HEATR5B: variants seen among roughly 807,000 people sequenced by gnomAD.
The protein encoded by HEATR5B is HEAT repeat-containing protein 5B.
Under a neutral mutation model 224.1 loss-of-function variants are expected in HEATR5B, and 156 were observed. The ratio of observed to expected loss-of-function variants is 0.70; its 90% CI spans 0.61 to 0.80. The LOEUF (loss-of-function observed/expected upper bound fraction) is 0.80. HEATR5B is among the 30% of genes least tolerant of loss of function. The pLI is 0.00. For missense variants in HEATR5B, 2,323 were observed against 2,535.5 expected, an observed-to-expected ratio of 0.92 and a Z score of 1.80; for synonymous variants, 1,027 against 893.0, an observed-to-expected ratio of 1.15 and a Z score of -2.68.
At chr2:37,033,357 A>G (rs1490691046) in intron 21 of HEATR5B, among the ~76,000 whole-genome samples, 1 of 152,208 alleles carries the variant, frequency 6.6e-6, no homozygotes, top group African/African-American at 2.4e-5. Flanking sequence ...AGCTCATACA[A>G]TATACTTAAA....
At chr2:36,987,966 G>A (rs1300903515) in intron 35 of HEATR5B, among the ~76,000 whole-genome samples, 5 of 151,980 alleles carry the variant, frequency 3.3e-5, no homozygotes, top group Non-Finnish European at 5.9e-5. Context: ...CAGCTACTCC[G>A]GAGGCTGAGG....
intron 24 of HEATR5B, among the ~76,000 whole-genome samples, chr2:37,026,345 T>C (rs940798137): frequency 6.6e-6 from 1 of 152,234 alleles, no homozygotes; most frequent in African/African-American, 2.4e-5. Context: ...CCTACAGAAC[T>C]GTAAGATGAT....
At chr2:37,012,407 G>C (rs78952338) in intron 27 of HEATR5B, among the ~76,000 whole-genome samples, 1 of 144,974 alleles carries the variant, frequency 6.9e-6, no homozygotes, top group African/African-American at 2.6e-5. Context: ...TTTTTTTTTT[G>C]AGACAAGAGT....
chr2:37,051,464 C>T (rs1019231626), intron 17 of HEATR5B, among the ~76,000 whole-genome samples: 6 of 151,356 alleles, frequency 4.0e-5, no homozygotes, highest in Non-Finnish European at 8.8e-5. Context: ...CTGTACTTAC[C>T]ATCCTGGAAC....
rs1667940119 is a variant in HEATR5B, at chr2:37,013,761, T to C, written c.4284+80A>G. 3.9e-6 allele frequency: 5 copies of C among 1,295,428 alleles called. No individual in the cohort carries two copies. In the East Asian group the frequency reaches 7.5e-5, roughly 19 times the overall value. The allele number at this position is 1,295,428 out of a possible 1,614,324, so 80.2% of individuals were successfully genotyped here. A position where few individuals can be genotyped will look rare whatever the true frequency, so the allele number is the denominator to read the frequency against. ...TTAGTTTTTAAAAAACAAAAATTTT[T>C]TTACCAACAAGAGTAGAGGAACATT... On this transcript the variant is annotated intron_variant, in intron 27 of 35. Transcript: ENST00000233099.
At chr2:37,083,060 T>C (rs1245578305) in intron 2 of HEATR5B, among the ~76,000 whole-genome samples, 2 of 152,208 alleles carry the variant, frequency 1.3e-5, no homozygotes, top group African/African-American at 4.8e-5. Flanking sequence ...ATAGCCATGT[T>C]TTTCTCCAGT....
intron 12 of HEATR5B, among the ~76,000 whole-genome samples, chr2:37,059,667 T>C (rs1466182721): frequency 6.6e-6 from 1 of 151,728 alleles, no homozygotes; most frequent in Non-Finnish European, 1.5e-5. Context: ...TTTCACCATA[T>C]TGGTCAGGCT....
intron 24 of HEATR5B, among the ~76,000 whole-genome samples, chr2:37,027,451 T>C (rs548188575): frequency 2.8e-4 from 43 of 152,300 alleles, no homozygotes; most frequent in African/African-American, 1.0e-3. Flanking sequence ...TAATAAACAA[T>C]TTTCACCTTT....
At position 37,000,655 on chromosome 2, in the gene HEATR5B, C is replaced by T; in HGVS notation, c.5476G>A (p.Gly1826Ser). 6.2e-7 allele frequency: 1 copy of T among 1,614,188 alleles called. No individual in the cohort carries two copies. Among genetic ancestry groups the T allele is most frequent in the Non-Finnish European group, 8.5e-7 (1 of 1,180,036 alleles). ...AGAGCTGTCCACTGTTTTTGAACGC[C>T]AGCCTCAGTTTTGGCCATTGAAAGT... ...VTLSMAKTEA[G>S]VQKQWTALIR... The change falls in exon 33 of 36, where the codon GGC (glycine) becomes AGC (serine). Residue 1826 changes from glycine to serine, a missense_variant. Physicochemically the swap from Gly to Ser is moderately conservative, Grantham distance 56. Transcript: ENST00000233099.
At chr2:37,003,301 G>C (rs1211372402) in intron 31 of HEATR5B, among the ~76,000 whole-genome samples, 1 of 149,654 alleles carries the variant, frequency 6.7e-6, no homozygotes, top group African/African-American at 2.5e-5. Flanking sequence ...AGCTGGGCTT[G>C]GTGGAGTGTG....
chr2:37,032,519 T>C, intron 22 of HEATR5B, 110 bp downstream of exon 22: 1 of 874,376 alleles, frequency 1.1e-6, no homozygotes, highest in Non-Finnish European at 1.8e-6. Flanking sequence ...TTTCAAAGAA[T>C]AAGACATCTG....
chr2:37,070,379 G>A lies in HEATR5B; in HGVS notation c.778C>T (p.Gln260Ter). 2 of 1,612,090 alleles carry A rather than the reference G, an allele frequency of 1.2e-6. No individual in the cohort carries two copies. Among genetic ancestry groups the A allele is most frequent in the Non-Finnish European group, 1.7e-6 (2 of 1,178,754 alleles). Residue 260 changes from glutamine to a stop codon, truncating the protein, a stop_gained, in exon 7 of 36, where the codon CAG becomes TAG. Coordinates refer to ENST00000233099, the MANE Select transcript of HEATR5B (RefSeq NM_019024.3). LOFTEE classifies it high-confidence loss of function. ...LMPKQATVMR[Q>*]NVKRATFDEV... ...TCAAATGTTGCTCGCTTCACATTCT[G>A]ACGCATTACTTTCAAGAAGAAAAAT...
intron 18 of HEATR5B, among the ~76,000 whole-genome samples, chr2:37,041,996 C>T (rs1440960369): frequency 6.6e-6 from 1 of 151,084 alleles, no homozygotes; most frequent in Non-Finnish European, 1.5e-5. Flanking sequence ...TAAGAAATAC[C>T]CTATAATTAT....
At chr2:37,045,206 G>A (rs910995911) in intron 18 of HEATR5B, among the ~76,000 whole-genome samples, 5 of 150,654 alleles carry the variant, frequency 3.3e-5, no homozygotes, top group East Asian at 3.9e-4. Flanking sequence ...TTTCTGGGCC[G>A]TTTCTATTGA....
At chr2:37,078,073 C>A (rs1257803919) in intron 3 of HEATR5B, among the ~76,000 whole-genome samples, 1 of 152,134 alleles carries the variant, frequency 6.6e-6, no homozygotes, top group Non-Finnish European at 1.5e-5. Flanking sequence ...CAGACCTGTG[C>A]CTAAATCCTA....
chr2:37,070,429 G>A (rs377066666), intron 6 of HEATR5B, 42 bp from the exon 7 acceptor site: 22 of 1,492,070 alleles, frequency 1.5e-5, no homozygotes, highest in Non-Finnish European at 1.5e-5. Context: ...ATATATTTCT[G>A]AGGCACTCTA....
chr2:37,040,876 A>G (rs565055837), intron 19 of HEATR5B: 2 of 408,080 alleles, frequency 4.9e-6, no homozygotes, highest in East Asian at 7.9e-5. Flanking sequence ...AAAAAAAAAG[A>G]GGAAAAAAGT....
chr2:36,993,617 T>A (rs1157807896), intron 33 of HEATR5B, among the ~76,000 whole-genome samples: 1 of 151,756 alleles, frequency 6.6e-6, no homozygotes, highest in Non-Finnish European at 1.5e-5. Context: ...CCCCACAGGT[T>A]ACCTATTAAT....
At chr2:37,082,100 A>T (rs1227578039) in intron 2 of HEATR5B, among the ~76,000 whole-genome samples, 4 of 79,660 alleles carry the variant, frequency 5.0e-5, no homozygotes, top group East Asian at 5.4e-4. Flanking sequence ...ATGGAGTTTC[A>T]CTCTTGTCCC....
Sources: gnomAD v4.1 joint callset for allele counts (sites outside exome capture counted in the v4.1 genomes callset) on GRCh38, gnomAD v4.1.1 for gene constraint, MANE v1.5 for transcripts, NCBI Gene and HGNC (gene_info 2026-07-23, HGNC 2026-07-21) for gene names.